Variants in RUFY3 observed in about 807,000 individuals in gnomAD.
RUFY3 encodes RUN and FYVE domain containing 3, also known as protein RUFY3.
RUFY3 carries 34 observed loss-of-function variants against 84.0 expected under a neutral mutation model. The ratio of observed to expected loss-of-function variants is 0.40; its 90% CI spans 0.31 to 0.54. The LOEUF is 0.54. Ranked by LOEUF, RUFY3 falls within the 20% of genes least tolerant of loss-of-function variation. The pLI, the probability that RUFY3 is intolerant of heterozygous loss-of-function variation, is 0.39. For synonymous variants in RUFY3, 242 were observed against 252.9 expected, an observed-to-expected ratio of 0.96 and a Z score of 0.41; for missense variants, 507 against 736.8, an observed-to-expected ratio of 0.69 and a Z score of 3.61.
Position 70,711,064 on chromosome 4 carries a change from G to GAAAAAA in RUFY3, c.358+5792_358+5797dup, listed in dbSNP as rs950005722. On this transcript the variant is annotated intron_variant, in intron 1 of 11. Transcript: ENST00000417478. ...GGGCCACAGAGCAAGACTCCGTCTG[G>GAAAAAA]AAAAAAAAAAAAAAAAAAAAAAAAA... Among the ~76,000 whole-genome samples the GAAAAAA allele has an allele frequency of 2.2e-4, 12 of 54,092 alleles. No individual in the cohort carries two copies. The East Asian group carries it at 2.6e-3, about 12-fold the overall frequency. The allele number at this position is 54,092 out of a possible 152,430, so 35.5% of individuals were successfully genotyped here. A position where few individuals can be genotyped will look rare whatever the true frequency, so the allele number is the denominator to read the frequency against.
At chr4:70,789,458 T>C in intron 11 of RUFY3, 37 bp from the exon 12 acceptor site, 1 of 1,578,496 alleles carries the variant, frequency 6.3e-7, no homozygotes, top group Non-Finnish European at 8.6e-7. Context: ...TTAGGATTTA[T>C]GTTATACAGG....
chr4:70,734,894 G>A (rs780176372), intron 1 of RUFY3, among the ~76,000 whole-genome samples: 14 of 152,136 alleles, frequency 9.2e-5, no homozygotes, highest in Non-Finnish European at 1.5e-4. Context: ...TGGACCTTTC[G>A]TGAAACAGAG....
intron 14 of RUFY3, 39 bp from the exon 15 acceptor site, chr4:70,800,102 T>C (rs760480675): frequency 1.9e-6 from 3 of 1,571,046 alleles, no homozygotes. Flanking sequence ...TATTTAGCAT[T>C]CTGAATAATT....
chr4:70,792,435 CTTCTGT>C, intron 12 of RUFY3: 3 of 984,370 alleles, frequency 3.0e-6, no homozygotes, highest in Non-Finnish European at 3.6e-6. Flanking sequence ...ATTAGCAGGG[CTTCTGT>C]TTCTAAGTGA....
In RUFY3 at chr4:70,722,723, T is replaced by A; in HGVS notation, c.150T>A (p.Leu50=). The change falls in exon 1 of 18, where the codon CTT becomes CTA. Residue 50 remains leucine (L), a synonymous_variant. Transcript: ENST00000381006. ...LCLRELDDIS[L]TPDPEPTHED... is the part of the protein sequence containing the mutation. Reference sequence around the variant, plus strand: ...TGCGAGAGCTGGATGACATCTCACTTACACCTGACCCAGAGCCTACCCATG... The same window carrying A: ...TGCGAGAGCTGGATGACATCTCACTAACACCTGACCCAGAGCCTACCCATG... The A allele has an allele frequency of 6.2e-7, 1 of 1,614,120 alleles. No homozygotes were observed. Among genetic ancestry groups the A allele is most frequent in the Non-Finnish European group, 8.5e-7 (1 of 1,179,994 alleles).
chr4:70,767,770 C>T (rs984005531), intron 4 of RUFY3, among the ~76,000 whole-genome samples: 2 of 152,056 alleles, frequency 1.3e-5, no homozygotes, highest in Non-Finnish European at 2.9e-5. Context: ...CCTCCGCCTC[C>T]TGTGTTCAAG....
At chr4:70,712,870 A>G (rs1386458535) in intron 1 of RUFY3, among the ~76,000 whole-genome samples, 1 of 152,242 alleles carries the variant, frequency 6.6e-6, no homozygotes, top group East Asian at 1.9e-4. Context: ...CACACCTATT[A>G]CATGTCTACT....
intron 1 of RUFY3, among the ~76,000 whole-genome samples, chr4:70,754,743 A>G (rs1723711559): frequency 6.6e-6 from 1 of 151,972 alleles, no homozygotes; most frequent in Non-Finnish European, 1.5e-5. Context: ...TCAAGGACTC[A>G]TTTTCTGTCC....
At chr4:70,732,840 A>G (rs920197125) in intron 1 of RUFY3, among the ~76,000 whole-genome samples, 1 of 152,010 alleles carries the variant, frequency 6.6e-6, no homozygotes, top group Non-Finnish European at 1.5e-5. Context: ...GCAAACCAAC[A>G]TGGCACATGT....
intron 5 of RUFY3, among the ~76,000 whole-genome samples, chr4:70,770,046 T>G (rs1293725513): frequency 6.6e-6 from 1 of 152,200 alleles, no homozygotes; most frequent in Non-Finnish European, 1.5e-5. Context: ...GATCTCAAAC[T>G]CATGGCCTCA....
chr4:70,786,785 ACT>A (rs2148786254), intron 10 of RUFY3, among the ~76,000 whole-genome samples: 1 of 151,988 alleles, frequency 6.6e-6, no homozygotes, highest in South Asian at 2.1e-4. Context: ...TCACATACTA[ACT>A]CTTCCTGGAG....
At chr4:70,789,337 C>T (rs1163896317) in intron 11 of RUFY3, among the ~76,000 whole-genome samples, 158 bp from the exon 12 acceptor site, 4 of 152,150 alleles carry the variant, frequency 2.6e-5, no homozygotes, top group Admixed American at 6.5e-5. Context: ...ACAATACTAA[C>T]TTTAGATAAA....
chr4:70,793,517 G>T, intron 12 of RUFY3: 1 of 1,296,764 alleles, frequency 7.7e-7, no homozygotes, highest in Non-Finnish European at 9.8e-7. Flanking sequence ...TCATCTAATG[G>T]CTGTAAACTG....
intron 6 of RUFY3, among the ~76,000 whole-genome samples, chr4:70,774,213 A>G (rs778650711): frequency 9.2e-5 from 14 of 152,160 alleles, no homozygotes; most frequent in Non-Finnish European, 2.1e-4. Flanking sequence ...CCTTAATTTT[A>G]TCTTACAGCT....
At chr4:70,790,296 A>G (rs1730594688) in intron 12 of RUFY3, among the ~76,000 whole-genome samples, 1 of 152,210 alleles carries the variant, frequency 6.6e-6, no homozygotes, top group African/African-American at 2.4e-5. Flanking sequence ...TTAGCAGCCA[A>G]GAGAAATGGC....
chr4:70,736,824 G>C (rs1720391576), intron 1 of RUFY3, among the ~76,000 whole-genome samples: 1 of 152,082 alleles, frequency 6.6e-6, no homozygotes, highest in African/African-American at 2.4e-5. Context: ...CACCCACCCT[G>C]GCCTCCCAAA....
At chr4:70,751,710 A>G (rs960889375) in intron 1 of RUFY3, among the ~76,000 whole-genome samples, 1 of 152,122 alleles carries the variant, frequency 6.6e-6, no homozygotes, top group African/African-American at 2.4e-5. Context: ...TTTCTTGATG[A>G]TGTCGTTTGA....
chr4:70,800,915 TTTCTC>T (rs1165856824), intron 15 of RUFY3, among the ~76,000 whole-genome samples: 22 of 152,116 alleles, frequency 1.4e-4, no homozygotes, highest in African/African-American at 4.6e-4. Context: ...AGTACTCTGA[TTTCTC>T]TTATGTCTCA....
chr4:70,776,774 TCAAAA>T (rs141540692), intron 7 of RUFY3, among the ~76,000 whole-genome samples: 10,341 of 152,170 alleles, frequency 0.068, 541 homozygotes, highest in East Asian at 0.2. Context: ...AGACTCCGTC[TCAAAA>T]CAAAACAAAA....
Sources: allele counts gnomAD v4.1 joint callset (sites outside exome capture counted in the v4.1 genomes callset), GRCh38; gene constraint gnomAD v4.1.1; transcripts MANE v1.5; gene names NCBI Gene and HGNC (gene_info 2026-07-23, HGNC 2026-07-21).